The following MTHFD1L variants were observed in gnomAD, a reference collection of about 807,000 sequenced individuals.
MTHFD1L encodes monofunctional C1-tetrahydrofolate synthase, mitochondrial.
Under a neutral mutation model 119.5 loss-of-function variants are expected in MTHFD1L, and 81 were observed. The observed-to-expected ratio is 0.68, with a 90% CI of 0.57 to 0.82. The LOEUF is 0.82. MTHFD1L is among the 40% of genes least tolerant of loss of function. The pLI is 0.00. For missense variants in MTHFD1L, 1,125 were observed against 1,253.4 expected, an observed-to-expected ratio of 0.90 and a Z score of 1.55; for synonymous variants, 430 against 475.2, an observed-to-expected ratio of 0.90 and a Z score of 1.24.
At chr6:150,904,267 T>C (rs1270396376) in intron 7 of MTHFD1L, among the ~76,000 whole-genome samples, 1 of 152,160 alleles carries the variant, frequency 6.6e-6, no homozygotes, top group Non-Finnish European at 1.5e-5. Context: ...CTGGGGATGC[T>C]TTTGTGTGTT....
chr6:151,087,490 A>T (rs929202351), intron 26 of MTHFD1L, among the ~76,000 whole-genome samples: 4 of 152,152 alleles, frequency 2.6e-5, no homozygotes, highest in Non-Finnish European at 5.9e-5. Context: ...ACCAAAATAA[A>T]ATTAGATTTT....
In MTHFD1L at chr6:150,944,510, A is replaced by T. The variant is rs1233914222; in HGVS notation, c.1465A>T (p.Ile489Phe). The T allele has an allele frequency of 6.2e-7, 1 of 1,613,892 alleles. No homozygotes were observed. Among genetic ancestry groups the T allele is most frequent in the Admixed American group, 1.7e-5 (1 of 60,008 alleles). Residue 489 changes from isoleucine (I) to phenylalanine (F), a missense_variant, in exon 14 of 28, where the codon ATC becomes TTC. Ile to Phe is a conservative substitution (Grantham distance 21, BLOSUM62 0). Transcript: ENST00000367321. ...EEFNLHLTGD[I>F]HAITAANNLL... ...GTTCAACCTTCACTTGACTGGAGAC[A>T]TCCACGCCATCACCGCTGCCAATAA...
chr6:151,031,866 G>C (rs1208249651), intron 24 of MTHFD1L, among the ~76,000 whole-genome samples: 2 of 152,126 alleles, frequency 1.3e-5, no homozygotes, highest in Non-Finnish European at 2.9e-5. Flanking sequence ...TTGGAGGCCT[G>C]GTATGTGGTA....
chr6:151,073,712 T>C (rs904770127), intron 26 of MTHFD1L, among the ~76,000 whole-genome samples: 5 of 151,334 alleles, frequency 3.3e-5, no homozygotes, highest in Middle Eastern at 3.5e-3. Context: ...TCTTAATTAA[T>C]AGCAGATTAG....
intron 7 of MTHFD1L, among the ~76,000 whole-genome samples, chr6:150,903,450 C>CCTGTTGCCCAGG (rs1243314128): frequency 6.6e-6 from 1 of 151,200 alleles, no homozygotes; most frequent in Non-Finnish European, 1.5e-5. Context: ...AGGGTCTTGC[C>CCTGTTGCCCAGG]CTGTTGCCCA....
chr6:151,007,877 T>G (rs1781623759), intron 20 of MTHFD1L, among the ~76,000 whole-genome samples: 1 of 152,246 alleles, frequency 6.6e-6, no homozygotes, highest in South Asian at 2.1e-4. Flanking sequence ...AGGAATGTCT[T>G]TTATTTCTCG....
intron 20 of MTHFD1L, among the ~76,000 whole-genome samples, chr6:150,975,399 C>A (rs1260474923): frequency 1.3e-5 from 2 of 152,108 alleles, no homozygotes; most frequent in Non-Finnish European, 2.9e-5. Context: ...GTGTTCCTTG[C>A]CCATTGCTTG....
intron 24 of MTHFD1L, among the ~76,000 whole-genome samples, chr6:151,024,964 G>A (rs1486522419): frequency 2.0e-5 from 3 of 152,162 alleles, no homozygotes; most frequent in African/African-American, 7.2e-5. Flanking sequence ...CCTCTTTTGG[G>A]TGAGATGAGA....
At chr6:151,100,690 A>G (rs76309561) in intron 27 of MTHFD1L, among the ~76,000 whole-genome samples, 1 of 151,328 alleles carries the variant, frequency 6.6e-6, no homozygotes, top group African/African-American at 2.4e-5. Flanking sequence ...AAGAGATTAC[A>G]GGATTCAAGA....
chr6:150,865,919 A>AGCG lies in MTHFD1L; in HGVS notation c.108_110dup (p.Gly42dup), dbSNP rs908417383. 8.3e-6 allele frequency: 10 copies of AGCG among 1,197,912 alleles called. No individual in the cohort carries two copies. Among genetic ancestry groups the AGCG allele is most frequent in the Middle Eastern group, 3.3e-4 (1 of 2,988 alleles). The allele number at this position is 1,197,912 out of a possible 1,614,324, so 74.2% of individuals were successfully genotyped here. ...CCTCCGTGTGCCCTGTCGCGCTAGCAGCGGCGGCGGCGGAGGCGGCGGCGG... is the reference window on the plus strand; with the variant it reads ...CCTCCGTGTGCCCTGTCGCGCTAGCAGCGGCGGCGGCGGCGGAGGCGGCGGCGG... On this transcript the variant is annotated inframe_insertion, in exon 1 of 28. Coordinates refer to ENST00000367321, the MANE Select transcript of MTHFD1L (RefSeq NM_015440.5).
At chr6:150,866,548 C>T (rs1778365675) in intron 1 of MTHFD1L, 1 of 1,254,354 alleles carries the variant, frequency 8.0e-7, no homozygotes, top group East Asian at 3.2e-5. Flanking sequence ...CGCGAAGCTC[C>T]CTGGTGTTGT....
intron 20 of MTHFD1L, among the ~76,000 whole-genome samples, chr6:150,999,004 A>G (rs545379822): frequency 0.014 from 2,100 of 145,318 alleles, 27 homozygotes; most frequent in South Asian, 0.037. Flanking sequence ...AAATATATAT[A>G]CATATATATA....
intron 7 of MTHFD1L, among the ~76,000 whole-genome samples, chr6:150,903,305 G>T (rs958093461): frequency 7.3e-6 from 1 of 137,432 alleles, no homozygotes; most frequent in Non-Finnish European, 1.5e-5. Flanking sequence ...TGCAACCTCT[G>T]CCTCCCAGGT....
chr6:151,075,567 T>C (rs1296190875), intron 26 of MTHFD1L, among the ~76,000 whole-genome samples: 1 of 152,140 alleles, frequency 6.6e-6, no homozygotes, highest in East Asian at 1.9e-4. Context: ...TAAACCCCTC[T>C]CAGAACAAGT....
At chr6:151,032,135 A>T (rs60808440) in intron 24 of MTHFD1L, among the ~76,000 whole-genome samples, 1,651 of 152,318 alleles carry the variant, frequency 0.011, 36 homozygotes, top group African/African-American at 0.037. Flanking sequence ...TTTTAAAGTT[A>T]TCTGACTATT....
At chr6:150,957,834 C>T (rs1328184486) in intron 17 of MTHFD1L, among the ~76,000 whole-genome samples, 1 of 138,230 alleles carries the variant, frequency 7.2e-6, no homozygotes, top group Non-Finnish European at 1.6e-5. Context: ...ACATTATAGG[C>T]ACTTACAACT....
At chr6:151,056,185 G>C (rs1200205737) in intron 26 of MTHFD1L, 1 of 151,972 alleles carries the variant, frequency 6.6e-6, no homozygotes, top group African/African-American at 2.4e-5. Context: ...TCATCCGTTA[G>C]GTTCATATTC....
chr6:150,916,208 C>G (rs12174710), intron 8 of MTHFD1L, among the ~76,000 whole-genome samples: 1 of 149,642 alleles, frequency 6.7e-6, no homozygotes, highest in African/African-American at 2.5e-5. Context: ...TTTCTTTTCT[C>G]TAAGGGAGGA....
rs543860466 is a variant in MTHFD1L at position 150,872,442 on chromosome 6, C to T, written c.228-3648C>T. Among the ~76,000 whole-genome samples, 3 of 152,176 alleles carry T rather than the reference C, an allele frequency of 2.0e-5. No individual in the cohort carries two copies. In the East Asian group the frequency reaches 5.8e-4, roughly 29 times the overall value. ...TGTCCTAATTTCAATATTGTTGTTT[C>T]TCAGGGAATAGGGAAGCCAGAGGAG... On this transcript the variant is annotated intron_variant, in intron 1 of 27. Transcript: ENST00000367321.
Sources: allele counts gnomAD v4.1 joint callset (sites outside exome capture counted in the v4.1 genomes callset), GRCh38; gene constraint gnomAD v4.1.1; transcripts MANE v1.5; gene names NCBI Gene and HGNC (gene_info 2026-07-23, HGNC 2026-07-21).